Variants in NRG1 observed in about 807,000 individuals in gnomAD.
The protein encoded by NRG1 is neuregulin 1.
Under a neutral mutation model 63.8 loss-of-function variants are expected in NRG1, and 18 were observed. The ratio of observed to expected loss-of-function variants is 0.28; its 90% CI spans 0.19 to 0.42. The LOEUF (loss-of-function observed/expected upper bound fraction) is 0.42. NRG1 is among the 10% of genes least tolerant of loss of function. The probability of loss-of-function intolerance (pLI) is 1.00; values close to 1 mark genes in which losing one functional copy is unlikely to be tolerated. For missense variants in NRG1, 762 were observed against 814.7 expected, an observed-to-expected ratio of 0.94 and a Z score of 0.79; for synonymous variants, 302 against 301.3, an observed-to-expected ratio of 1.00 and a Z score of -0.02.
intron 7 of NRG1, chr8:32,749,407 C>G: frequency 1.3e-6 from 1 of 793,462 alleles, no homozygotes; most frequent in Non-Finnish European, 2.1e-6. Flanking sequence ...TACCTGAGCA[C>G]TGCTTCTTAA....
intron 5 of NRG1, among the ~76,000 whole-genome samples, chr8:32,627,228 T>C (rs2129543521): frequency 6.6e-6 from 1 of 152,182 alleles, no homozygotes; most frequent in Non-Finnish European, 1.5e-5. Flanking sequence ...GAATAAAAGA[T>C]TAGTGATGAT....
At chr8:32,743,595 T>TATATATATATATATATAA (rs1439936922) in intron 7 of NRG1, among the ~76,000 whole-genome samples, 3 of 141,794 alleles carry the variant, frequency 2.1e-5, no homozygotes, top group African/African-American at 5.1e-5. Flanking sequence ...TATATATATA[T>TATATATATATATATATAA]AAAACTTAAT....
chr8:32,634,365 T>C (rs1850924482), intron 5 of NRG1, among the ~76,000 whole-genome samples: 1 of 152,194 alleles, frequency 6.6e-6, no homozygotes, highest in African/African-American at 2.4e-5. Context: ...ACTGAGTTTG[T>C]GGCATGCCTT....
intron 1 of NRG1, among the ~76,000 whole-genome samples, chr8:31,966,450 A>G (rs191471661): frequency 6.6e-6 from 1 of 152,366 alleles, no homozygotes; most frequent in Non-Finnish European, 1.5e-5. Context: ...AAGACATTTG[A>G]TAGTTAGCCA....
intron 1 of NRG1, among the ~76,000 whole-genome samples, chr8:31,731,122 A>T (rs760127785): frequency 3.9e-5 from 6 of 152,178 alleles, no homozygotes; most frequent in Non-Finnish European, 7.4e-5. Context: ...TTGGCAATGT[A>T]TATCAAACCT....
At chr8:31,816,526 A>G (rs113696733) in intron 1 of NRG1, among the ~76,000 whole-genome samples, 8 of 152,372 alleles carry the variant, frequency 5.3e-5, no homozygotes, top group African/African-American at 1.4e-4. Flanking sequence ...ATGCCTCGTG[A>G]CCAAGATGTC....
chr8:32,426,001 G>A (rs9297192), intron 1 of NRG1, among the ~76,000 whole-genome samples: 27,198 of 151,902 alleles, frequency 0.18, 2,456 homozygotes, highest in South Asian at 0.18. Context: ...AGGATTTGGC[G>A]CTCTACATAA....
chr8:32,370,308 A>C (rs554369205), intron 1 of NRG1, among the ~76,000 whole-genome samples: 1 of 152,344 alleles, frequency 6.6e-6, no homozygotes, highest in Admixed American at 6.5e-5. Context: ...CACATTTCAG[A>C]ATGGAAACAA....
At chr8:32,590,697 C>T in intron 1 of NRG1, among the ~76,000 whole-genome samples, 1 of 151,978 alleles carries the variant, frequency 6.6e-6, no homozygotes, top group East Asian at 1.9e-4. Flanking sequence ...TGTGAGTAAA[C>T]CATATGCCTG....
intron 1 of NRG1, among the ~76,000 whole-genome samples, chr8:32,493,210 C>T (rs574614351): frequency 6.6e-6 from 1 of 152,192 alleles, no homozygotes; most frequent in Admixed American, 6.5e-5. Flanking sequence ...TGTTAATCTC[C>T]TAAGACAGCA....
intron 9 of NRG1, among the ~76,000 whole-genome samples, chr8:32,758,253 TA>T (rs1413441603): frequency 6.6e-6 from 1 of 152,048 alleles, no homozygotes; most frequent in Non-Finnish European, 1.5e-5. Flanking sequence ...ATAGAAACAG[TA>T]AAAACTACTG....
chr8:32,033,397 G>T (rs1246842743), intron 1 of NRG1, among the ~76,000 whole-genome samples: 2 of 152,100 alleles, frequency 1.3e-5, no homozygotes. Flanking sequence ...CTCCAGGTTT[G>T]CTCTTTTTGC....
intron 1 of NRG1, among the ~76,000 whole-genome samples, chr8:31,978,367 G>A (rs994968864): frequency 6.6e-6 from 1 of 151,980 alleles, no homozygotes; most frequent in Non-Finnish European, 1.5e-5. Context: ...ATGTGTATGT[G>A]CTGCTCATAA....
intron 7 of NRG1, among the ~76,000 whole-genome samples, chr8:32,743,830 AT>A (rs1826943081): frequency 6.6e-6 from 1 of 151,808 alleles, no homozygotes; most frequent in South Asian, 2.1e-4. Context: ...AAGAATGGCA[AT>A]TTTTTTCTGT....
chr8:32,769,484 A>G (rs1831646574), downstream of NRG1, among the ~76,000 whole-genome samples: 1 of 152,190 alleles, frequency 6.6e-6, no homozygotes, highest in Non-Finnish European at 1.5e-5. Flanking sequence ...TTTCTGTCCT[A>G]ACGATGAATG....
intron 1 of NRG1, among the ~76,000 whole-genome samples, chr8:32,425,783 C>T (rs1563447886): frequency 2.6e-5 from 4 of 151,932 alleles, no homozygotes; most frequent in South Asian, 2.1e-4. Flanking sequence ...TAAAGTCACA[C>T]GATAGAGGAG....
chr8:32,468,316 C>T (rs1056565507), intron 1 of NRG1, among the ~76,000 whole-genome samples: 4 of 152,058 alleles, frequency 2.6e-5, no homozygotes, highest in African/African-American at 4.8e-5. Context: ...TGAGGTTGAC[C>T]GAAGTTAGTT....
At chr8:32,693,749 A>G (rs1291210074) in intron 5 of NRG1, among the ~76,000 whole-genome samples, 2 of 152,136 alleles carry the variant, frequency 1.3e-5, no homozygotes, top group African/African-American at 4.8e-5. Flanking sequence ...ATTAGTTTTC[A>G]TTTCCTTCCT....
intron 1 of NRG1, among the ~76,000 whole-genome samples, chr8:32,060,630 A>G (rs1256268040): frequency 6.6e-6 from 1 of 151,906 alleles, no homozygotes; most frequent in Non-Finnish European, 1.5e-5. Flanking sequence ...GTTTCCCAAT[A>G]TCTCAAACGG....
Sources: allele counts gnomAD v4.1 joint callset (sites outside exome capture counted in the v4.1 genomes callset), GRCh38; gene constraint gnomAD v4.1.1; transcripts MANE v1.5; gene names NCBI Gene and HGNC (gene_info 2026-07-23, HGNC 2026-07-21).